Variants in SLC14A2 observed in about 807,000 individuals in gnomAD.
SLC14A2 encodes the protein solute carrier family 14 member 2.
A neutral mutation model predicts 104.6 loss-of-function variants in SLC14A2; 91 were observed. That is an observed-to-expected ratio of 0.87 (90% CI 0.73 to 1.04). The LOEUF (loss-of-function observed/expected upper bound fraction) is 1.04. Among genes scored for constraint, SLC14A2 ranks in the 50% least tolerant of loss-of-function variants. SLC14A2 has a pLI of 0.00. For synonymous variants in SLC14A2, 476 were observed against 466.4 expected (o/e 1.02, Z -0.27); for missense variants, 1,189 against 1,156.0 (o/e 1.03, Z -0.41).
At chr18:45,533,135 T>G (rs2043724197) in intron 2 of SLC14A2, among the ~76,000 whole-genome samples, 1 of 152,254 alleles carries the variant, frequency 6.6e-6, no homozygotes, top group Non-Finnish European at 1.5e-5. Context: ...TCAATGTTTA[T>G]CAAGGATATT....
At position 45,278,554 on chromosome 18, in the gene SLC14A2, T is replaced by C. The variant is rs372747615; in HGVS notation, c.-125+65363T>C. On this transcript the variant is annotated intron_variant, in intron 1 of 20. Coordinates refer to the SLC14A2 transcript ENST00000586448. ...CACCCATATCACAGGATCACTGTGA[T>C]GGGCAAAAGGGAAGGAGCTTATGAA... 3.9e-5 allele frequency among the ~76,000 whole-genome samples: 6 copies of C among 152,282 alleles called. No homozygotes were observed. The East Asian group carries it at 9.7e-4, about 25-fold the overall frequency.
chr18:45,370,860 C>T (rs750920366), intron 1 of SLC14A2, among the ~76,000 whole-genome samples: 52 of 152,138 alleles, frequency 3.4e-4, no homozygotes, highest in Non-Finnish European at 6.8e-4. Context: ...GACATCCCCG[C>T]GCATAATCAG....
chr18:45,681,046 T>G (rs2046304305), intron 19 of SLC14A2, among the ~76,000 whole-genome samples: 1 of 532 alleles, frequency 1.9e-3, no homozygotes, highest in African/African-American at 2.0e-3. Context: ...TATCTGAGGT[T>G]TTTTTTTTTT....
At chr18:45,276,232 CATTT>C (rs1308778282) in intron 1 of SLC14A2, among the ~76,000 whole-genome samples, 2 of 152,330 alleles carry the variant, frequency 1.3e-5, no homozygotes, top group South Asian at 2.1e-4. Flanking sequence ...CGGCATATTT[CATTT>C]ATTTATTCCT....
chr18:45,620,577 G>A (rs2144489607), intron 1 of SLC14A2, among the ~76,000 whole-genome samples: 1 of 152,172 alleles, frequency 6.6e-6, no homozygotes, highest in South Asian at 2.1e-4. Context: ...CTTTCTGTTG[G>A]GTGGTATAAA....
At chr18:45,677,324 T>C (rs1241937124) in intron 18 of SLC14A2, among the ~76,000 whole-genome samples, 2 of 152,210 alleles carry the variant, frequency 1.3e-5, no homozygotes, top group Non-Finnish European at 2.9e-5. Flanking sequence ...TCTTCCATTC[T>C]TCACAGACCA....
intron 2 of SLC14A2, among the ~76,000 whole-genome samples, chr18:45,505,480 C>CT (rs2043267701): frequency 6.6e-6 from 1 of 152,212 alleles, no homozygotes. Flanking sequence ...TCCTGGGTTT[C>CT]TTGCTTCCTA....
intron 4 of SLC14A2, among the ~76,000 whole-genome samples, chr18:45,628,574 T>C (rs189865229): frequency 4.3e-4 from 66 of 152,238 alleles, no homozygotes; most frequent in Non-Finnish European, 7.2e-4. Context: ...ATGCTTCTGA[T>C]GGTCAGAGAA....
chr18:45,311,139 C>T (rs1323518296), intron 1 of SLC14A2, among the ~76,000 whole-genome samples: 1 of 152,164 alleles, frequency 6.6e-6, no homozygotes, highest in East Asian at 1.9e-4. Flanking sequence ...TTTGCATACA[C>T]AGCACATACT....
At chr18:45,514,883 TAATA>T (rs2043415747) in intron 2 of SLC14A2, among the ~76,000 whole-genome samples, 1 of 152,238 alleles carries the variant, frequency 6.6e-6, no homozygotes, top group African/African-American at 2.4e-5. Flanking sequence ...ATTGAAATAT[TAATA>T]AATTGATTTA....
intron 6 of SLC14A2, among the ~76,000 whole-genome samples, chr18:45,637,539 A>G (rs1430721180): frequency 1.3e-5 from 2 of 152,238 alleles, no homozygotes; most frequent in African/African-American, 2.4e-5. Flanking sequence ...GATAAAATGT[A>G]TAGTCAGATA....
chr18:45,554,698 A>T (rs967159350), intron 2 of SLC14A2, among the ~76,000 whole-genome samples: 12 of 152,042 alleles, frequency 7.9e-5, no homozygotes, highest in African/African-American at 2.4e-4. Flanking sequence ...TCTGCCCAAC[A>T]TGGTGGGGAT....
intron 1 of SLC14A2, among the ~76,000 whole-genome samples, chr18:45,257,805 C>G (rs1476831309): frequency 6.6e-6 from 1 of 152,154 alleles, no homozygotes; most frequent in East Asian, 1.9e-4. Context: ...AAAGTTCAAT[C>G]TCTTTAAGGA....
intron 1 of SLC14A2, among the ~76,000 whole-genome samples, chr18:45,240,146 G>A (rs1338820149): frequency 2.1e-5 from 3 of 143,128 alleles, no homozygotes; most frequent in Middle Eastern, 3.7e-3. Context: ...GCCCAGGCTG[G>A]AGTACAGTGG....
At chr18:45,494,915 TACAC>T (rs58079608) in intron 2 of SLC14A2, among the ~76,000 whole-genome samples, 1 of 148,638 alleles carries the variant, frequency 6.7e-6, no homozygotes, top group Admixed American at 6.7e-5. Context: ...CACACACACA[TACAC>T]ACACACACAC....
intron 5 of SLC14A2, 30 bp downstream of exon 5, chr18:45,632,508 C>T: frequency 6.2e-7 from 1 of 1,609,124 alleles, no homozygotes; most frequent in South Asian, 1.1e-5. Flanking sequence ...CTGCTCACAG[C>T]TCCATGGGGC....
the SLC14A2 span, among the ~76,000 whole-genome samples, chr18:45,194,345 G>A: frequency 1.4e-4 from 22 of 152,220 alleles, no homozygotes; most frequent in Admixed American, 1.3e-3. Flanking sequence ...TTGTAGGGTC[G>A]CCATCAGGTT....
chr18:45,395,935 G>A (rs897972311), intron 1 of SLC14A2, among the ~76,000 whole-genome samples: 1 of 152,106 alleles, frequency 6.6e-6, no homozygotes, highest in East Asian at 1.9e-4. Flanking sequence ...TGAACACATC[G>A]TTTCAGGTGT....
chr18:45,615,152 G>A (rs892474336), upstream of SLC14A2: 5 of 152,330 alleles, frequency 3.3e-5, no homozygotes, highest in Middle Eastern at 3.4e-3. Context: ...TGCCTCAGAT[G>A]AAACTTTGGA....
Sources: allele counts gnomAD v4.1 joint callset (sites outside exome capture counted in the v4.1 genomes callset), GRCh38; gene constraint gnomAD v4.1.1; transcripts MANE v1.5; gene names NCBI Gene and HGNC (gene_info 2026-07-23, HGNC 2026-07-21).